Variants in ZC2HC1B observed in about 807,000 individuals in gnomAD.
ZC2HC1B encodes zinc finger C2HC domain-containing protein 1B.
ZC2HC1B carries 36 observed loss-of-function variants against 31.0 expected under a neutral mutation model. The observed-to-expected ratio is 1.16, with a 90% CI of 0.89 to 1.54. The LOEUF (loss-of-function observed/expected upper bound fraction) is 1.54, where lower values mean the gene tolerates loss of function less well. Among genes scored for constraint, ZC2HC1B ranks in the 40% most tolerant of loss-of-function variants. The pLI, the probability that ZC2HC1B is intolerant of heterozygous loss-of-function variation, is 0.00. For missense variants in ZC2HC1B, 260 were observed against 268.6 expected (o/e 0.97, Z 0.22); for synonymous variants, 73 against 88.0 (o/e 0.83, Z 0.95).
At chr6:143,935,849 T>G (rs1778172616) in intron 6 of ZC2HC1B, among the ~76,000 whole-genome samples, 2 of 151,926 alleles carry the variant, frequency 1.3e-5, no homozygotes, top group South Asian at 4.2e-4. Context: ...GGTGAGGTAT[T>G]ATGTTTCCCA....
chr6:143,867,108 A>G (rs1777273725), intron 1 of ZC2HC1B, among the ~76,000 whole-genome samples: 1 of 152,238 alleles, frequency 6.6e-6, no homozygotes, highest in Non-Finnish European at 1.5e-5. Flanking sequence ...GTAAGGTGAC[A>G]TACGAAATAA....
intron 1 of ZC2HC1B, among the ~76,000 whole-genome samples, chr6:143,879,195 C>A (rs1325397359): frequency 1.3e-5 from 2 of 152,156 alleles, no homozygotes; most frequent in African/African-American, 4.8e-5. Flanking sequence ...GGATGGTTCT[C>A]AGTTCTCCCT....
intron 1 of ZC2HC1B, among the ~76,000 whole-genome samples, chr6:143,876,973 C>G (rs1267562354): frequency 6.6e-6 from 1 of 150,656 alleles, no homozygotes; most frequent in Non-Finnish European, 1.5e-5. Flanking sequence ...CACAGACACA[C>G]CCACGATGAA....
chr6:143,864,747 A>G (rs1028460714), intron 1 of ZC2HC1B, among the ~76,000 whole-genome samples, 180 bp downstream of exon 1: 1 of 152,212 alleles, frequency 6.6e-6, no homozygotes, highest in African/African-American at 2.4e-5. Context: ...TTCTACCAAC[A>G]TTGGCTAGAA....
chr6:143,910,416 T>C (rs1339294899), intron 6 of ZC2HC1B, among the ~76,000 whole-genome samples: 2 of 152,222 alleles, frequency 1.3e-5, no homozygotes, highest in African/African-American at 4.8e-5. Flanking sequence ...AAGTGCCATG[T>C]GGCAATGAGA....
rs1777907338 is a variant in ZC2HC1B, at chr6:143,915,564, G to A, written c.598+12412G>A. On this transcript the variant is annotated intron_variant, in intron 6 of 7. Transcript: ENST00000237275. The surrounding 1 kb of genome is among the most constrained non-coding windows in gnomAD (Gnocchi z 5.2). ...AAGGCAGGAAAATGTGAGAAAGTTT[G>A]GAACTTCCTAGAGACTTGTTGAATG... is the stretch of plus-strand genomic sequence containing the variant. Among the ~76,000 whole-genome samples the A allele has an allele frequency of 6.6e-6, 1 of 152,186 alleles. No homozygotes were observed. The highest frequency in any genetic ancestry group is 2.4e-5 in the African/African-American group (1 of 41,442).
intron 6 of ZC2HC1B, among the ~76,000 whole-genome samples, chr6:143,928,849 T>TA (rs1349343409): frequency 6.6e-5 from 10 of 151,798 alleles, no homozygotes; most frequent in African/African-American, 2.4e-4. Flanking sequence ...CTTTTTTTTT[T>TA]AACTATTGGA....
chr6:143,925,088 A>T (rs1778019030), intron 6 of ZC2HC1B, among the ~76,000 whole-genome samples: 1 of 150,444 alleles, frequency 6.6e-6, no homozygotes, highest in South Asian at 2.1e-4. Context: ...CAAGTTTGAT[A>T]GCATTTGGAA....
At chr6:143,867,746 A>G (rs1387009569) in intron 1 of ZC2HC1B, among the ~76,000 whole-genome samples, 1 of 152,224 alleles carries the variant, frequency 6.6e-6, no homozygotes, top group Non-Finnish European at 1.5e-5. Context: ...GAAGGCAGTG[A>G]ATATCTTAGT....
rs182097408 is a variant in ZC2HC1B at position 143,907,027 on chromosome 6, T to G, written c.598+3875T>G. Among the ~76,000 whole-genome samples the G allele has an allele frequency of 5.9e-5, 9 of 152,230 alleles. No individual in the cohort carries two copies. The East Asian group carries it at 1.7e-3, about 29-fold the overall frequency. On this transcript the variant is annotated intron_variant, in intron 6 of 7. Transcript: ENST00000237275. ...GCTCCCACTTATAAGTGAGAACATG[T>G]GGGATTTGGTTTTCTGTTCCTGCAT...
At chr6:143,931,620 G>A (rs1237024748) in intron 6 of ZC2HC1B, among the ~76,000 whole-genome samples, 1 of 152,082 alleles carries the variant, frequency 6.6e-6, no homozygotes, top group South Asian at 2.1e-4. Flanking sequence ...GTCTTGGCTG[G>A]CAATTATTTT....
chr6:143,878,940 C>G (rs183151261), intron 1 of ZC2HC1B, among the ~76,000 whole-genome samples: 2 of 152,112 alleles, frequency 1.3e-5, no homozygotes, highest in Non-Finnish European at 2.9e-5. Flanking sequence ...CATATTTTTT[C>G]CTTTCCAGAA....
At chr6:143,906,523 A>C (rs1777796715) in intron 6 of ZC2HC1B, among the ~76,000 whole-genome samples, 1 of 152,042 alleles carries the variant, frequency 6.6e-6, no homozygotes, top group Non-Finnish European at 1.5e-5. Context: ...AGCTCACTGC[A>C]ACCTCCACCT....
chr6:143,923,398 A>G lies in ZC2HC1B; in HGVS notation c.599-14251A>G, dbSNP rs552976345. Among the ~76,000 whole-genome samples, 1 of 152,136 alleles carries G rather than the reference A, an allele frequency of 6.6e-6. No individual in the cohort carries two copies. Among genetic ancestry groups the G allele is most frequent in the East Asian group, 1.9e-4 (1 of 5,208 alleles). On this transcript the variant is annotated intron_variant, in intron 6 of 7. Coordinates refer to ENST00000237275, the MANE Select transcript of ZC2HC1B (RefSeq NM_001013623.3). This position sits in a 1 kb window ranked among gnomAD's most constrained non-coding sequence, Gnocchi z 4.8. ...TTGCAAATATTTTCTCCTATTTAGC[A>G]TGTTGTCCTTCTCACTCTGTTGATT...
At chr6:143,920,538 G>A (rs2128496867) in intron 6 of ZC2HC1B, among the ~76,000 whole-genome samples, 1 of 152,228 alleles carries the variant, frequency 6.6e-6, no homozygotes, top group East Asian at 1.9e-4. Flanking sequence ...TAAGCAAAAT[G>A]GTATTATGTT....
rs1248792164 is a variant in ZC2HC1B at position 143,884,738 on chromosome 6, T to A, written c.90+373T>A. 6.6e-6 allele frequency among the ~76,000 whole-genome samples: 1 copy of A among 152,246 alleles called. No individual in the cohort carries two copies. The highest frequency in any genetic ancestry group is 6.5e-5 in the Admixed American group (1 of 15,284). ...GAATGAGCATTGAATTTTAGACATC[T>A]GGAAACCTGGCTTTTAGCCTCAAAT... On this transcript the variant is annotated intron_variant, in intron 2 of 7. Transcript: ENST00000237275. This position sits in a 1 kb window ranked among gnomAD's most constrained non-coding sequence, Gnocchi z 5.1.
chr6:143,933,236 T>C lies in ZC2HC1B; in HGVS notation c.599-4413T>C, dbSNP rs1164561716. On this transcript the variant is annotated intron_variant, in intron 6 of 7. Coordinates refer to ENST00000237275, the MANE Select transcript of ZC2HC1B (RefSeq NM_001013623.3). This position sits in a 1 kb window ranked among gnomAD's most constrained non-coding sequence, Gnocchi z 6.4. ...CCTTCATTAGAGCAGGGTTGTTCTGTTATGAGTTGCTATAATGTTCTGAGT... is the reference window on the plus strand; with the variant it reads ...CCTTCATTAGAGCAGGGTTGTTCTGCTATGAGTTGCTATAATGTTCTGAGT... Among the ~76,000 whole-genome samples, 1 of 152,150 alleles carries C rather than the reference T, an allele frequency of 6.6e-6. No homozygotes were observed. Among genetic ancestry groups the C allele is most frequent in the Non-Finnish European group, 1.5e-5 (1 of 68,016 alleles).
At position 143,895,371 on chromosome 6, in the gene ZC2HC1B, C is replaced by A. The variant is rs1421760511; in HGVS notation, c.350-3181C>A. On this transcript the variant is annotated intron_variant, in intron 4 of 7. Transcript: ENST00000237275. This position sits in a 1 kb window ranked among gnomAD's most constrained non-coding sequence, Gnocchi z 4.8. The stretch of plus-strand genomic sequence containing the variant: ...AGAGATGGGGTTTCATCATATTGGT[C>A]AGGCTGATCTTGAACTCCTGACCTC... Among the ~76,000 whole-genome samples, 1 of 152,160 alleles carries A rather than the reference C, an allele frequency of 6.6e-6. No homozygotes were observed. Among genetic ancestry groups the A allele is most frequent in the African/African-American group, 2.4e-5 (1 of 41,434 alleles).
At chr6:143,873,812 C>T (rs528328397) in intron 1 of ZC2HC1B, among the ~76,000 whole-genome samples, 175 of 152,318 alleles carry the variant, frequency 1.1e-3, no homozygotes, top group African/African-American at 3.9e-3. Context: ...ACCACTTTTT[C>T]CTCCTAGACC....
Sources: allele counts gnomAD v4.1 joint callset (sites outside exome capture counted in the v4.1 genomes callset), GRCh38; gene constraint gnomAD v4.1.1; non-coding constraint Gnocchi (gnomAD v3.1); transcripts MANE v1.5; gene names NCBI Gene and HGNC (gene_info 2026-07-23, HGNC 2026-07-21).